The following APBB2 variants were observed in gnomAD, a reference collection of about 807,000 sequenced individuals.
APBB2 encodes amyloid beta precursor protein binding family B member 2.
In APBB2, 38 loss-of-function variants were observed where a neutral mutation model predicts 82.5. That is an observed-to-expected ratio of 0.46 (90% CI 0.36 to 0.60). APBB2 has a LOEUF of 0.60. Among genes scored for constraint, APBB2 ranks in the 20% least tolerant of loss-of-function variants. The pLI, the probability that APBB2 is intolerant of heterozygous loss-of-function variation, is 0.00. For missense variants in APBB2, 772 were observed against 972.3 expected, an observed-to-expected ratio of 0.79 and a Z score of 2.74; for synonymous variants, 341 against 368.2, an observed-to-expected ratio of 0.93 and a Z score of 0.85.
intron 10 of APBB2, among the ~76,000 whole-genome samples, chr4:40,911,852 G>A (rs1778652087): frequency 6.6e-6 from 1 of 152,076 alleles, no homozygotes; most frequent in South Asian, 2.1e-4. Flanking sequence ...AGGTACCAGT[G>A]GGATCTAGAT....
intron 6 of APBB2, among the ~76,000 whole-genome samples, chr4:40,993,245 G>T (rs34585974): frequency 3.3e-5 from 5 of 151,722 alleles, no homozygotes; most frequent in Non-Finnish European, 7.4e-5. Flanking sequence ...TAAATATTCA[G>T]TGTTCATAGT....
At chr4:41,004,569 G>T (rs950794855) in intron 6 of APBB2, among the ~76,000 whole-genome samples, 2 of 151,180 alleles carry the variant, frequency 1.3e-5, no homozygotes, top group African/African-American at 4.9e-5. Context: ...GGCCGGGCAC[G>T]ATGGTTCACG....
intron 12 of APBB2, chr4:40,881,079 A>G: frequency 3.0e-6 from 3 of 985,442 alleles, no homozygotes; most frequent in Non-Finnish European, 3.6e-6. Flanking sequence ...TGATTAATGG[A>G]AGGCAGAGAA....
intron 2 of APBB2, among the ~76,000 whole-genome samples, chr4:41,123,867 T>C (rs186872919): frequency 1.3e-5 from 2 of 151,464 alleles, no homozygotes; most frequent in African/African-American, 4.8e-5. Context: ...AAACCACAAG[T>C]AAATTTAAAC....
chr4:41,006,610 C>T (rs1375531993), intron 6 of APBB2, among the ~76,000 whole-genome samples: 1 of 151,936 alleles, frequency 6.6e-6, no homozygotes, highest in South Asian at 2.1e-4. Flanking sequence ...ATTATAGGCA[C>T]GTGTCACCAC....
chr4:40,960,570 C>G (rs1792896930), intron 6 of APBB2, among the ~76,000 whole-genome samples: 1 of 151,268 alleles, frequency 6.6e-6, no homozygotes. Context: ...GCCTCAGCCT[C>G]CTGAGTAGCT....
chr4:40,957,207 G>T (rs1364805300), intron 6 of APBB2, among the ~76,000 whole-genome samples: 1 of 151,888 alleles, frequency 6.6e-6, no homozygotes, highest in Non-Finnish European at 1.5e-5. Flanking sequence ...ATTCATATGT[G>T]GCTTTGGAAA....
Position 40,982,395 on chromosome 4 carries a change from G to A in APBB2, c.835+31188C>T, listed in dbSNP as rs1442643149. Among the ~76,000 whole-genome samples the A allele has an allele frequency of 1.8e-4, 6 of 32,560 alleles. 1 individual carries two copies. Among genetic ancestry groups the A allele is most frequent in the African/African-American group, 7.1e-4 (6 of 8,426 alleles). The allele number at this position is 32,560 out of a possible 152,430, so 21.4% of individuals were successfully genotyped here. A position where few individuals can be genotyped will look rare whatever the true frequency, so the allele number is the denominator to read the frequency against. ...GGAAGGAAGGAAGGAAGGAAGGAAA[G>A]GAAAGGAAAGAAAGAAAGAAAGAAA... is the stretch of plus-strand genomic sequence containing the variant. On this transcript the variant is annotated intron_variant, in intron 6 of 17. Coordinates refer to ENST00000508593, the MANE Select transcript of APBB2 (RefSeq NM_004307.2).
chr4:40,853,593 G>A (rs1760193333), intron 12 of APBB2, among the ~76,000 whole-genome samples: 1 of 152,036 alleles, frequency 6.6e-6, no homozygotes. Context: ...GGGATTACAG[G>A]CACGCACCAC....
chr4:40,862,097 T>A (rs1450966580), intron 12 of APBB2, among the ~76,000 whole-genome samples: 1 of 152,208 alleles, frequency 6.6e-6, no homozygotes, highest in Non-Finnish European at 1.5e-5. Flanking sequence ...AAAATCAATT[T>A]TACTTCCTTC....
At chr4:40,936,235 C>T (rs999704632) in intron 7 of APBB2, among the ~76,000 whole-genome samples, 5 of 152,188 alleles carry the variant, frequency 3.3e-5, no homozygotes, top group South Asian at 2.1e-4. Context: ...TCTTGTGCGT[C>T]GAAAGATGCA....
At chr4:40,905,816 C>G (rs1776547957) in intron 10 of APBB2, among the ~76,000 whole-genome samples, 1 of 152,126 alleles carries the variant, frequency 6.6e-6, no homozygotes, top group Non-Finnish European at 1.5e-5. Context: ...TCAGGGGAGG[C>G]CAAAGCTCCT....
chr4:41,173,646 G>C (rs541413001), intron 1 of APBB2, among the ~76,000 whole-genome samples: 2 of 152,288 alleles, frequency 1.3e-5, no homozygotes, highest in South Asian at 4.1e-4. Flanking sequence ...TCTATGTTAA[G>C]ATATGTTTAG....
At chr4:41,124,922 G>T (rs1416143474) in intron 2 of APBB2, among the ~76,000 whole-genome samples, 1 of 152,136 alleles carries the variant, frequency 6.6e-6, no homozygotes, top group African/African-American at 2.4e-5. Context: ...TCAGAAATGG[G>T]AATTACAATG....
intron 2 of APBB2, among the ~76,000 whole-genome samples, chr4:41,105,547 A>G (rs1363564183): frequency 6.6e-6 from 1 of 152,204 alleles, no homozygotes; most frequent in Non-Finnish European, 1.5e-5. Context: ...TTTGTGTCCC[A>G]CAAGTTGCTG....
chr4:40,927,610 T>C (rs775885783), intron 10 of APBB2, among the ~76,000 whole-genome samples: 10 of 151,906 alleles, frequency 6.6e-5, no homozygotes, highest in African/African-American at 9.7e-5. Context: ...GCCTCCCGAG[T>C]AGCTGGGACT....
intron 6 of APBB2, among the ~76,000 whole-genome samples, chr4:40,986,765 G>A (rs1489823099): frequency 6.6e-6 from 1 of 152,192 alleles, no homozygotes; most frequent in Non-Finnish European, 1.5e-5. Context: ...CAGCCCTCGT[G>A]AAAGCACTGA....
chr4:41,159,371 G>A (rs1254241796), intron 1 of APBB2, among the ~76,000 whole-genome samples: 5 of 152,090 alleles, frequency 3.3e-5, no homozygotes, highest in Non-Finnish European at 7.4e-5. Context: ...TTTCTATGAA[G>A]CGCAAATAAG....
intron 1 of APBB2, among the ~76,000 whole-genome samples, chr4:41,213,948 G>A (rs998707540): frequency 6.6e-6 from 1 of 152,238 alleles, no homozygotes; most frequent in African/African-American, 2.4e-5. Flanking sequence ...CCGGTGCCAG[G>A]ACAAGGGGGT....
Sources: allele counts gnomAD v4.1 joint callset (sites outside exome capture counted in the v4.1 genomes callset), GRCh38; gene constraint gnomAD v4.1.1; transcripts MANE v1.5; gene names NCBI Gene and HGNC (gene_info 2026-07-23, HGNC 2026-07-21).